Variants in FHOD3 observed in about 807,000 individuals in gnomAD.
FHOD3 encodes the protein FH1/FH2 domain-containing protein 3.
A neutral mutation model predicts 173.0 loss-of-function variants in FHOD3; 90 were observed. The observed-to-expected ratio is 0.52, with a 90% CI of 0.44 to 0.62. FHOD3 has a LOEUF of 0.62. FHOD3 is among the 20% of genes least tolerant of loss of function. FHOD3 has a pLI of 0.00. For missense variants in FHOD3, 1,945 were observed against 2,034.7 expected (o/e 0.96, Z 0.85); for synonymous variants, 828 against 823.0 (o/e 1.01, Z -0.10).
chr18:36,426,559 C>T (rs1204104605), intron 3 of FHOD3, among the ~76,000 whole-genome samples: 1 of 152,146 alleles, frequency 6.6e-6, no homozygotes, highest in Non-Finnish European at 1.5e-5. Context: ...GTGTGGTGGG[C>T]TCCCCCTCCA....
chr18:36,734,791 T>C (rs2041551766), intron 20 of FHOD3, among the ~76,000 whole-genome samples: 1 of 152,184 alleles, frequency 6.6e-6, no homozygotes, highest in Non-Finnish European at 1.5e-5. Flanking sequence ...AACTGTCTGC[T>C]TCTCGGATGC....
At chr18:36,482,930 A>G (rs1411524775) in intron 3 of FHOD3, among the ~76,000 whole-genome samples, 1 of 151,414 alleles carries the variant, frequency 6.6e-6, no homozygotes, top group Non-Finnish European at 1.5e-5. Flanking sequence ...CAGGTTTACA[A>G]TGCATGACTC....
chr18:36,677,013 T>G (rs2037905732), intron 14 of FHOD3, among the ~76,000 whole-genome samples: 1 of 152,242 alleles, frequency 6.6e-6, no homozygotes, highest in South Asian at 2.1e-4. Context: ...ATATGCAAAT[T>G]TATCAAATCT....
chr18:36,773,688 C>T (rs944426423), intron 28 of FHOD3, among the ~76,000 whole-genome samples: 4 of 152,166 alleles, frequency 2.6e-5, no homozygotes, highest in Non-Finnish European at 4.4e-5. Flanking sequence ...GGACAAGTTG[C>T]TGATGGGAAT....
chr18:36,369,466 C>CAT, intron 2 of FHOD3, among the ~76,000 whole-genome samples: 1 of 126,154 alleles, frequency 7.9e-6, no homozygotes, highest in Non-Finnish European at 1.6e-5. Flanking sequence ...CACACACACA[C>CAT]ACACACACAC....
intron 10 of FHOD3, among the ~76,000 whole-genome samples, chr18:36,638,299 T>A (rs763018427): frequency 2.2e-4 from 34 of 152,230 alleles, no homozygotes; most frequent in Non-Finnish European, 4.4e-4. Context: ...AGAAAGGGGC[T>A]TGGTATATCT....
At chr18:36,506,199 G>A (rs1047549128) in intron 4 of FHOD3, among the ~76,000 whole-genome samples, 3 of 152,206 alleles carry the variant, frequency 2.0e-5, no homozygotes, top group African/African-American at 4.8e-5. Context: ...TTAGATCAAT[G>A]AGGAATCAAT....
In FHOD3 at chr18:36,366,629, G is replaced by A. The variant is rs2155928; in HGVS notation, c.273-6051G>A. Among the ~76,000 whole-genome samples, 381 of 150,136 alleles carry A rather than the reference G, an allele frequency of 2.5e-3. 3 individuals carry two copies. Among genetic ancestry groups the A allele is most frequent in the African/African-American group, 8.6e-3 (352 of 41,144 alleles). On this transcript the variant is annotated intron_variant, in intron 2 of 28. Transcript: ENST00000590592. Reference sequence around the variant, plus strand: ...TGCCAGGGGAGAAGAGAACACACCCGGAGATTAATGTAGTGGCAACTGCCT... The same window carrying A: ...TGCCAGGGGAGAAGAGAACACACCCAGAGATTAATGTAGTGGCAACTGCCT...
At chr18:36,325,182 C>G (rs1157015351) in intron 1 of FHOD3, among the ~76,000 whole-genome samples, 1 of 151,886 alleles carries the variant, frequency 6.6e-6, no homozygotes, top group Non-Finnish European at 1.5e-5. Context: ...GGGGTTTTGA[C>G]TGGCAGGGAG....
intron 3 of FHOD3, among the ~76,000 whole-genome samples, chr18:36,399,402 G>A (rs1481693725): frequency 6.6e-6 from 1 of 152,218 alleles, no homozygotes; most frequent in Non-Finnish European, 1.5e-5. Context: ...ATGTATTTGA[G>A]TTTTCTGATG....
chr18:36,300,524 A>T (rs12970527), intron 1 of FHOD3, among the ~76,000 whole-genome samples: 2 of 152,040 alleles, frequency 1.3e-5, no homozygotes, highest in Non-Finnish European at 2.9e-5. Context: ...GAGCTATCAT[A>T]CCAGGACCCT....
intron 5 of FHOD3, among the ~76,000 whole-genome samples, chr18:36,525,996 T>A (rs1429804079): frequency 1.3e-5 from 2 of 152,260 alleles, no homozygotes; most frequent in Non-Finnish European, 2.9e-5. Context: ...ACTTGGGTGA[T>A]CTTGGGATGA....
At chr18:36,552,137 T>C (rs1448611364) in intron 5 of FHOD3, among the ~76,000 whole-genome samples, 2 of 152,234 alleles carry the variant, frequency 1.3e-5, no homozygotes, top group East Asian at 1.9e-4. Flanking sequence ...GAGCATGGAA[T>C]GTTCTTCCAT....
intron 2 of FHOD3, among the ~76,000 whole-genome samples, chr18:36,357,410 C>T (rs2046411495): frequency 6.6e-6 from 1 of 152,284 alleles, no homozygotes; most frequent in East Asian, 1.9e-4. Flanking sequence ...GGCGCATTGC[C>T]AGAATGGATT....
chr18:36,571,110 T>A (rs1319195842), intron 5 of FHOD3, among the ~76,000 whole-genome samples: 1 of 152,100 alleles, frequency 6.6e-6, no homozygotes, highest in African/African-American at 2.4e-5. Context: ...TGTACAAAAT[T>A]CCAGGAAATC....
chr18:36,549,532 C>CTTTTTTTTTTT (rs386387404), intron 5 of FHOD3, among the ~76,000 whole-genome samples: 4 of 71,234 alleles, frequency 5.6e-5, no homozygotes, highest in African/African-American at 1.7e-4. Flanking sequence ...TCTAAGAAAT[C>CTTTTTTTTTTT]TTTTTTTTTT....
chr18:36,338,526 A>G (rs1418353884), intron 1 of FHOD3, among the ~76,000 whole-genome samples: 1 of 152,196 alleles, frequency 6.6e-6, no homozygotes, highest in Admixed American at 6.5e-5. Flanking sequence ...GATGTCCTGC[A>G]GGCCCCATCA....
chr18:36,738,875 G>A (rs1014833021), intron 20 of FHOD3, among the ~76,000 whole-genome samples: 4 of 152,104 alleles, frequency 2.6e-5, no homozygotes, highest in Admixed American at 1.3e-4. Flanking sequence ...TTTCTCCAAG[G>A]TTACTCTTTT....
Position 36,652,888 on chromosome 18 carries a change from G to C in FHOD3, c.1605G>C (p.Leu535=). Residue 535 remains leucine, a synonymous_variant, in exon 12 of 29, where the codon CTG becomes CTC. Transcript: ENST00000590592. ...LFSYDFEDSS[L]STKEKEAESQ... Reference sequence around the variant, plus strand: ...CCTATGACTTTGAGGACTCCTCCCTGTCCACCAAGGAGAAGGAAGCAGAGT... The same window carrying C: ...CCTATGACTTTGAGGACTCCTCCCTCTCCACCAAGGAGAAGGAAGCAGAGT... 6.5e-7 allele frequency: 1 copy of C among 1,535,330 alleles called. No individual in the cohort carries two copies. Among genetic ancestry groups the C allele is most frequent in the Non-Finnish European group, 8.7e-7 (1 of 1,146,238 alleles).
Sources: gnomAD v4.1 joint callset for allele counts (sites outside exome capture counted in the v4.1 genomes callset) on GRCh38, gnomAD v4.1.1 for gene constraint, MANE v1.5 for transcripts, NCBI Gene and HGNC (gene_info 2026-07-23, HGNC 2026-07-21) for gene names.